The following SPATA19 variants were observed in gnomAD, a reference collection of about 807,000 sequenced individuals.
The protein encoded by SPATA19 is spermatogenesis associated 19.
SPATA19 carries 19 observed loss-of-function variants against 25.0 expected under a neutral mutation model. The ratio of observed to expected loss-of-function variants is 0.76; its 90% CI spans 0.53 to 1.11. The LOEUF is 1.11. SPATA19 is among the 50% of genes most tolerant of loss of function. The pLI is 0.00. For synonymous variants in SPATA19, 64 were observed against 69.3 expected, an observed-to-expected ratio of 0.92 and a Z score of 0.38; for missense variants, 222 against 211.4, an observed-to-expected ratio of 1.05 and a Z score of -0.31.
intron 4 of SPATA19, 104 bp from the exon 5 acceptor site, chr11:133,842,666 C>T: frequency 4.4e-6 from 4 of 916,616 alleles, no homozygotes; most frequent in Non-Finnish European, 7.2e-6. Context: ...GACTCTTGCC[C>T]TGACACCATG....
At chr11:133,839,232 G>A (rs997181355), downstream of SPATA19, among the ~76,000 whole-genome samples, 14 of 151,992 alleles carry the variant, frequency 9.2e-5, no homozygotes, top group African/African-American at 2.9e-4. Context: ...ACATGCACAC[G>A]TATGTTTATT....
rs373597906 is a variant in SPATA19, at chr11:133,845,499, C to A, written c.-53G>T. ...TGGCTCCCTCCTTCCATTGAAGCTG[C>A]CTGAGAACTCCTATGGGACAGGAAG... is the stretch of plus-strand genomic sequence containing the variant. On this transcript the variant is annotated 5_prime_UTR_variant, in exon 1 of 7. Coordinates refer to ENST00000299140, the MANE Select transcript of SPATA19 (RefSeq NM_174927.3). The A allele has an allele frequency of 5.7e-6, 9 of 1,580,624 alleles. No individual in the cohort carries two copies. Among genetic ancestry groups the A allele is most frequent in the South Asian group, 2.2e-5 (2 of 89,878 alleles).
chr11:133,843,441 T>C (rs1382611775), intron 4 of SPATA19, among the ~76,000 whole-genome samples: 5 of 152,200 alleles, frequency 3.3e-5, no homozygotes, highest in Non-Finnish European at 5.9e-5. Flanking sequence ...GAAATTACTG[T>C]GCATTTGAGT....
At chr11:133,841,919 C>G (rs917598144) in intron 6 of SPATA19, 111 bp downstream of exon 6, 13 of 1,058,678 alleles carry the variant, frequency 1.2e-5, no homozygotes, top group Non-Finnish European at 1.9e-5. Context: ...AGGCCCTTCC[C>G]CAGTAGGGAA....
downstream of SPATA19, among the ~76,000 whole-genome samples, chr11:133,839,007 T>C (rs1026050315): frequency 2.4e-4 from 37 of 152,146 alleles, no homozygotes; most frequent in South Asian, 6.2e-4. Context: ...GTTAGAATGG[T>C]GATCATTAAA....
downstream of SPATA19, among the ~76,000 whole-genome samples, chr11:133,837,045 A>G (rs971647864): frequency 6.6e-5 from 10 of 152,262 alleles, no homozygotes; most frequent in Non-Finnish European, 1.5e-4. Context: ...CCAGGCATAT[A>G]GAAAGTGCTC....
chr11:133,838,196 G>A (rs888421279), downstream of SPATA19, among the ~76,000 whole-genome samples: 1 of 152,184 alleles, frequency 6.6e-6, no homozygotes, highest in African/African-American at 2.4e-5. Flanking sequence ...AAACAGCTAT[G>A]AAAAATATGC....
intron 1 of SPATA19, 53 bp from the exon 2 acceptor site, chr11:133,845,243 T>TGACCC: frequency 6.4e-7 from 1 of 1,555,084 alleles, no homozygotes. Context: ...ATTCAGCTCT[T>TGACCC]CCCACCCAGC....
downstream of SPATA19, among the ~76,000 whole-genome samples, chr11:133,837,259 G>A (rs926982155): frequency 6.6e-6 from 1 of 152,172 alleles, no homozygotes; most frequent in Admixed American, 6.5e-5. Flanking sequence ...AGACTGGAAA[G>A]GCAGAAAGTT....
At chr11:133,845,008 A>G in intron 2 of SPATA19, 126 bp downstream of exon 2, 1 of 827,748 alleles carries the variant, frequency 1.2e-6, no homozygotes, top group South Asian at 1.7e-5. Flanking sequence ...ACTCAAATCT[A>G]GGAAGGGTGT....
intron 6 of SPATA19, among the ~76,000 whole-genome samples, chr11:133,841,757 G>A (rs2723598): frequency 0.32 from 48,844 of 152,072 alleles, 9,016 homozygotes; most frequent in East Asian, 0.6. Flanking sequence ...ACGAAAGCCC[G>A]GGCCCATGAA....
At chr11:133,842,974 G>A (rs1242585107) in intron 4 of SPATA19, among the ~76,000 whole-genome samples, 2 of 152,160 alleles carry the variant, frequency 1.3e-5, no homozygotes, top group African/African-American at 4.8e-5. Flanking sequence ...CTACAGCGAG[G>A]AAGCTGTGGG....
At chr11:133,840,510 G>T (rs1195131150), downstream of SPATA19, 1 of 152,194 alleles carries the variant, frequency 6.6e-6, no homozygotes, top group Non-Finnish European at 1.5e-5. Context: ...TTGCTGGAAC[G>T]GCTGCTGTCT....
chr11:133,841,644 C>T (rs1015855730), intron 6 of SPATA19, among the ~76,000 whole-genome samples: 16 of 152,314 alleles, frequency 1.1e-4, no homozygotes, highest in Admixed American at 8.5e-4. Flanking sequence ...TCACTCCTGA[C>T]ACTACGATCT....
At chr11:133,841,302 A>T (rs1938303242) in intron 6 of SPATA19, among the ~76,000 whole-genome samples, 1 of 152,200 alleles carries the variant, frequency 6.6e-6, no homozygotes, top group Non-Finnish European at 1.5e-5. Flanking sequence ...TCAAATGATA[A>T]ACCCTGACAA....
chr11:133,844,780 G>T, intron 2 of SPATA19, 140 bp from the exon 3 acceptor site: 2 of 1,015,586 alleles, frequency 2.0e-6, no homozygotes, highest in Non-Finnish European at 2.8e-6. Context: ...TTACCTCACT[G>T]TTCCCACAAT....
downstream of SPATA19, among the ~76,000 whole-genome samples, chr11:133,837,400 A>AT (rs945765836): frequency 6.6e-6 from 1 of 152,242 alleles, no homozygotes; most frequent in East Asian, 1.9e-4. Context: ...AGTGTGGACA[A>AT]TGTTGACTAT....
chr11:133,842,618 G>A, intron 4 of SPATA19, 56 bp from the exon 5 acceptor site: 1 of 1,312,700 alleles, frequency 7.6e-7, no homozygotes, highest in East Asian at 2.3e-5. Context: ...TTCTTAACAG[G>A]CATAGAGAGC....
intron 2 of SPATA19, 66 bp from the exon 3 acceptor site, chr11:133,844,706 T>C: frequency 6.6e-7 from 1 of 1,514,336 alleles, no homozygotes; most frequent in Admixed American, 2.1e-5. Context: ...TCTTCTCCTC[T>C]TCCTTTCCTT....
Sources: allele counts gnomAD v4.1 joint callset (sites outside exome capture counted in the v4.1 genomes callset), GRCh38; gene constraint gnomAD v4.1.1; transcripts MANE v1.5; gene names NCBI Gene and HGNC (gene_info 2026-07-23, HGNC 2026-07-21).